Variants in NCR1 observed in about 807,000 individuals in gnomAD.
NCR1 encodes NK cell-activating receptor.
A neutral mutation model predicts 32.5 loss-of-function variants in NCR1; 30 were observed. That is an observed-to-expected ratio of 0.92 (90% CI 0.69 to 1.25). NCR1 has a LOEUF of 1.25. Among genes scored for constraint, NCR1 ranks in the 50% most tolerant of loss-of-function variants. NCR1 has a pLI of 0.00. For missense variants in NCR1, 369 were observed against 380.7 expected (o/e 0.97, Z 0.26); for synonymous variants, 169 against 143.4 (o/e 1.18, Z -1.28).
At chr19:54,904,531 C>CTTTTTT (rs1556717280), upstream of NCR1, among the ~76,000 whole-genome samples, 27 of 118,954 alleles carry the variant, frequency 2.3e-4, no homozygotes, top group African/African-American at 3.5e-4. Flanking sequence ...GTTTTCTTTT[C>CTTTTTT]TTTTTTTTTT....
chr19:54,923,770 C>T, the NCR1 span: 1 of 1,613,748 alleles, frequency 6.2e-7, no homozygotes, highest in East Asian at 2.2e-5. Flanking sequence ...ACGGAGGTGC[C>T]GTTGCCCCGG....
chr19:54,901,274 T>C (rs1411813803), upstream of NCR1, among the ~76,000 whole-genome samples: 10 of 136,862 alleles, frequency 7.3e-5, no homozygotes, highest in African/African-American at 8.5e-5. Context: ...GGCAAGAGAA[T>C]GGCATAAACC....
the NCR1 span, among the ~76,000 whole-genome samples, chr19:54,934,285 C>T: frequency 6.6e-6 from 1 of 152,092 alleles, no homozygotes; most frequent in African/African-American, 2.4e-5. The surrounding 1 kb of genome is among the most constrained non-coding windows in gnomAD (Gnocchi z 6.7). Flanking sequence ...CCATGTTGGC[C>T]AGGTTGGTCT....
chr19:54,930,530 C>T, the NCR1 span: 1 of 1,612,284 alleles, frequency 6.2e-7, no homozygotes, highest in Non-Finnish European at 8.5e-7. Context: ...TTTGGATTCT[C>T]TAATGCCTGA....
chr19:54,933,965 C>T, the NCR1 span, among the ~76,000 whole-genome samples: 44 of 152,136 alleles, frequency 2.9e-4, no homozygotes, highest in Non-Finnish European at 4.7e-4. Flanking sequence ...GTTTTTGAGA[C>T]GGAGTCTCGC....
rs370357482 is a variant in NCR1 at position 54,906,159 on chromosome 19, C to T, written c.-29C>T. The T allele has an allele frequency of 5.6e-6, 9 of 1,613,984 alleles. No homozygotes were observed. Among genetic ancestry groups the T allele is most frequent in the Non-Finnish European group, 7.6e-6 (9 of 1,180,044 alleles). On this transcript the variant is annotated 5_prime_UTR_variant, in exon 1 of 7. Transcript: ENST00000291890. ...GGCCCGCCCGGCTCAGTCCCCACTGCTCAGCACTAGGCCGGCAGAATCTGA... is the reference window on the plus strand; with the variant it reads ...GGCCCGCCCGGCTCAGTCCCCACTGTTCAGCACTAGGCCGGCAGAATCTGA...
upstream of NCR1, among the ~76,000 whole-genome samples, chr19:54,902,302 AT>A (rs772490924): frequency 0.018 from 2,538 of 143,822 alleles, 34 homozygotes; most frequent in African/African-American, 0.05. Context: ...GAAATTACAG[AT>A]TTTTTTTTTT....
chr19:54,932,063 G>A, the NCR1 span, among the ~76,000 whole-genome samples: 24 of 152,090 alleles, frequency 1.6e-4, no homozygotes, highest in African/African-American at 5.3e-4. Flanking sequence ...TACATATATA[G>A]GGGTATAGTG....
chr19:54,904,531 C>CTTTTTTTTTTTTTTTT (rs1556717280), upstream of NCR1, among the ~76,000 whole-genome samples: 1 of 118,984 alleles, frequency 8.4e-6, no homozygotes, highest in Admixed American at 9.2e-5. Flanking sequence ...GTTTTCTTTT[C>CTTTTTTTTTTTTTTTT]TTTTTTTTTT....
At chr19:54,920,887 C>T (rs1270611643), downstream of NCR1, among the ~76,000 whole-genome samples, 1 of 152,046 alleles carries the variant, frequency 6.6e-6, no homozygotes, top group Non-Finnish European at 1.5e-5. Flanking sequence ...GGGTGGCTCA[C>T]CTGAGGTCAG....
chr19:54,916,796 C>T (rs1443117733), downstream of NCR1, among the ~76,000 whole-genome samples: 2 of 140,828 alleles, frequency 1.4e-5, no homozygotes, highest in Non-Finnish European at 3.0e-5. Flanking sequence ...CCTCCGCTTT[C>T]CGGGTTCAAG....
the NCR1 span, among the ~76,000 whole-genome samples, chr19:54,928,372 T>G: frequency 6.6e-6 from 1 of 151,734 alleles, no homozygotes; most frequent in African/African-American, 2.4e-5. Flanking sequence ...CCAGCTTGGG[T>G]GAAAGAGTGA....
the NCR1 span, among the ~76,000 whole-genome samples, chr19:54,898,607 G>A: frequency 7.9e-5 from 12 of 152,150 alleles, no homozygotes; most frequent in Admixed American, 2.6e-4. Flanking sequence ...AATGTTGGGA[G>A]CAGATTTGGT....
chr19:54,927,047 G>A, the NCR1 span, among the ~76,000 whole-genome samples: 152 of 149,530 alleles, frequency 1.0e-3, no homozygotes, highest in Non-Finnish European at 1.8e-3. Flanking sequence ...TCAAGATCGC[G>A]CCACTGCACT....
intron 3 of NCR1, among the ~76,000 whole-genome samples, chr19:54,908,593 C>T (rs1191788311): frequency 6.0e-5 from 9 of 151,230 alleles, no homozygotes; most frequent in South Asian, 2.1e-4. Flanking sequence ...ACCTCCCAGA[C>T]GGGGCAGTGG....
chr19:54,928,349 T>C, the NCR1 span, among the ~76,000 whole-genome samples: 19 of 152,126 alleles, frequency 1.2e-4, no homozygotes, highest in South Asian at 4.1e-4. Context: ...AGCCAACATA[T>C]CACCACTGCA....
the NCR1 span, among the ~76,000 whole-genome samples, chr19:54,898,972 C>G: frequency 6.6e-6 from 1 of 151,562 alleles, no homozygotes; most frequent in African/African-American, 2.4e-5. Context: ...CTCGGCCTGG[C>G]GAGGAGGGGA....
rs1221750449 is a variant in NCR1 at position 54,906,636 on chromosome 19, T to A, written c.184T>A (p.Phe62Ile). ...TGGGGCTGTTGAATACCAGCTGCAC[T>A]TTGAAGGAAGCCTTTTTGCCGTGGA... is the stretch of plus-strand genomic sequence containing the variant. The part of the protein sequence containing the change: ...NYGAVEYQLH[F>I]EGSLFAVDRP... Residue 62 changes from phenylalanine to isoleucine, a missense_variant, in exon 3 of 7, where the codon TTT (phenylalanine) becomes ATT (isoleucine). Physicochemically the swap from Phe to Ile is conservative, Grantham distance 21. Coordinates refer to ENST00000291890, the MANE Select transcript of NCR1 (RefSeq NM_004829.7). The A allele has an allele frequency of 6.2e-7, 1 of 1,614,234 alleles. No individual in the cohort carries two copies. The highest frequency in any genetic ancestry group is 1.1e-5 in the South Asian group (1 of 91,086).
At chr19:54,930,193 A>C in the NCR1 span, among the ~76,000 whole-genome samples, 2 of 151,934 alleles carry the variant, frequency 1.3e-5, no homozygotes, top group East Asian at 3.9e-4. Context: ...GAGGCCAGGC[A>C]TGATGGCTCA....
Sources: allele counts gnomAD v4.1 joint callset (sites outside exome capture counted in the v4.1 genomes callset), GRCh38; gene constraint gnomAD v4.1.1; non-coding constraint Gnocchi (gnomAD v3.1); transcripts MANE v1.5; gene names NCBI Gene and HGNC (gene_info 2026-07-23, HGNC 2026-07-21).